Variants in LRMDA observed in about 807,000 individuals in gnomAD.
The protein encoded by LRMDA is leucine-rich melanocyte differentiation-associated protein.
In LRMDA, 18 loss-of-function variants were observed where a neutral mutation model predicts 29.8. That is an observed-to-expected ratio of 0.60 (90% CI 0.42 to 0.90). LRMDA has a LOEUF of 0.90. Ranked by LOEUF, LRMDA falls within the 40% of genes least tolerant of loss-of-function variation. The pLI is 0.00. For missense variants in LRMDA, 273 were observed against 273.9 expected, an observed-to-expected ratio of 1.00 and a Z score of 0.02; for synonymous variants, 125 against 109.4, an observed-to-expected ratio of 1.14 and a Z score of -0.89.
intron 2 of LRMDA, among the ~76,000 whole-genome samples, chr10:75,621,384 G>A (rs942080528): frequency 1.7e-4 from 26 of 152,182 alleles, no homozygotes; most frequent in Non-Finnish European, 2.9e-4. Context: ...ACACATGTGT[G>A]TGCCTGCCTT....
intron 2 of LRMDA, among the ~76,000 whole-genome samples, chr10:75,959,694 A>G (rs952308050): frequency 2.0e-5 from 3 of 152,110 alleles, no homozygotes; most frequent in African/African-American, 7.2e-5. Flanking sequence ...CTGTACCTAT[A>G]TGCACACACC....
At chr10:75,852,431 T>G (rs1219989274) in intron 2 of LRMDA, among the ~76,000 whole-genome samples, 1 of 152,092 alleles carries the variant, frequency 6.6e-6, no homozygotes, top group Non-Finnish European at 1.5e-5. Flanking sequence ...AGAGGTTAAT[T>G]GGATGGTAGG....
rs1845866636 is a variant in LRMDA at position 75,913,091 on chromosome 10, A to G, written c.132-122917A>G. Reference sequence around the variant, plus strand: ...GGCCTTTCTGGGTCCCTTCCCACCTAAAAAACTGCTAGTAGTTTTTTTTCT... The same window carrying G: ...GGCCTTTCTGGGTCCCTTCCCACCTGAAAAACTGCTAGTAGTTTTTTTTCT... On this transcript the variant is annotated intron_variant, in intron 2 of 6. Transcript: ENST00000611255. Among the ~76,000 whole-genome samples the G allele has an allele frequency of 4.6e-5, 7 of 152,282 alleles. No individual in the cohort carries two copies. The South Asian group carries it at 1.5e-3, about 32-fold the overall frequency.
chr10:76,248,215 G>T (rs1275643034), intron 5 of LRMDA, among the ~76,000 whole-genome samples: 1 of 152,136 alleles, frequency 6.6e-6, no homozygotes, highest in African/African-American at 2.4e-5. Flanking sequence ...CTGGCATGTA[G>T]TAGATATAGG....
intron 2 of LRMDA, among the ~76,000 whole-genome samples, chr10:75,984,227 C>T (rs936432008): frequency 8.1e-5 from 12 of 148,088 alleles, no homozygotes; most frequent in Admixed American, 7.3e-4. Context: ...AGAAAGCTGC[C>T]CTGGGTCCTG....
At chr10:76,245,813 T>A (rs1852365407) in intron 5 of LRMDA, among the ~76,000 whole-genome samples, 1 of 152,144 alleles carries the variant, frequency 6.6e-6, no homozygotes, top group Non-Finnish European at 1.5e-5. Flanking sequence ...AAAGTAGCAG[T>A]GGAGGAGGGG....
intron 4 of LRMDA, 136 bp downstream of exon 4, chr10:76,047,439 C>G: frequency 1.1e-6 from 1 of 901,112 alleles, no homozygotes; most frequent in Non-Finnish European, 1.6e-6. Flanking sequence ...AAACTTTTAC[C>G]TTTTGGTAAC....
At chr10:75,559,256 T>A (rs1158855866) in intron 2 of LRMDA, among the ~76,000 whole-genome samples, 1 of 151,750 alleles carries the variant, frequency 6.6e-6, no homozygotes, top group Admixed American at 6.6e-5. Flanking sequence ...TCATTGTGGT[T>A]TTGATTTGCA....
intron 5 of LRMDA, among the ~76,000 whole-genome samples, chr10:76,145,996 C>T (rs537743177): frequency 7.3e-5 from 11 of 151,362 alleles, no homozygotes; most frequent in South Asian, 2.1e-4. Flanking sequence ...TGTAGTTGAG[C>T]GGTTTTGAGT....
At chr10:75,899,887 A>G (rs1312037791) in intron 2 of LRMDA, among the ~76,000 whole-genome samples, 2 of 152,244 alleles carry the variant, frequency 1.3e-5, no homozygotes, top group Non-Finnish European at 2.9e-5. Flanking sequence ...CATCAGGCCC[A>G]GAAGAGAAAT....
At chr10:75,789,029 A>G (rs757821703) in intron 2 of LRMDA, among the ~76,000 whole-genome samples, 1 of 152,232 alleles carries the variant, frequency 6.6e-6, no homozygotes, top group Non-Finnish European at 1.5e-5. Context: ...CTCTTTATAA[A>G]GAACACTCAC....
chr10:76,501,724 AT>A (rs1183440582), intron 6 of LRMDA, among the ~76,000 whole-genome samples: 2 of 151,416 alleles, frequency 1.3e-5, no homozygotes, highest in African/African-American at 2.4e-5. Flanking sequence ...TTGCTTGTTG[AT>A]TTTTTTAAGT....
intron 2 of LRMDA, among the ~76,000 whole-genome samples, chr10:75,897,817 CTTTTT>C (rs3042518): frequency 5.1e-5 from 4 of 78,420 alleles, no homozygotes; most frequent in Non-Finnish European, 9.0e-5. Flanking sequence ...TTCTTCCTGC[CTTTTT>C]TTTTTTTTTT....
At chr10:75,682,312 A>G (rs189922762) in intron 2 of LRMDA, among the ~76,000 whole-genome samples, 4 of 152,326 alleles carry the variant, frequency 2.6e-5, no homozygotes, top group African/African-American at 9.6e-5. Flanking sequence ...TGAATGAACA[A>G]TGAATGGCAA....
rs1843346266 is a variant in LRMDA at position 76,540,895 on chromosome 10, A to G, written c.602-16314A>G. On this transcript the variant is annotated intron_variant, in intron 6 of 6. Coordinates refer to ENST00000611255, the MANE Select transcript of LRMDA (RefSeq NM_001305581.2). ...GATGGATCTTTGTTACGAGTGAATAACTTGCAGAAAAATTACTTGTTTTAA... is the reference window on the plus strand; with the variant it reads ...GATGGATCTTTGTTACGAGTGAATAGCTTGCAGAAAAATTACTTGTTTTAA... 2.0e-5 allele frequency among the ~76,000 whole-genome samples: 3 copies of G among 152,218 alleles called. No individual in the cohort carries two copies. In the South Asian group the frequency reaches 6.2e-4, roughly 32 times the overall value.
intron 2 of LRMDA, among the ~76,000 whole-genome samples, chr10:75,645,575 C>T (rs1257865802): frequency 6.6e-6 from 1 of 151,694 alleles, no homozygotes; most frequent in Non-Finnish European, 1.5e-5. Context: ...TGCTGTGGGT[C>T]GGGGGAACCC....
At chr10:75,707,785 C>T (rs983039202) in intron 2 of LRMDA, among the ~76,000 whole-genome samples, 4 of 152,144 alleles carry the variant, frequency 2.6e-5, no homozygotes, top group African/African-American at 9.7e-5. Context: ...CCCTTTCCTG[C>T]CAGTACTGTG....
chr10:75,954,758 C>T (rs1255524194), intron 2 of LRMDA, among the ~76,000 whole-genome samples: 1 of 152,134 alleles, frequency 6.6e-6, no homozygotes. Flanking sequence ...CGCTTGTTGG[C>T]GGCTGCAGCA....
intron 6 of LRMDA, among the ~76,000 whole-genome samples, chr10:76,470,681 T>G (rs1842609234): frequency 6.6e-6 from 1 of 152,026 alleles, no homozygotes; most frequent in Non-Finnish European, 1.5e-5. Flanking sequence ...TTGAGGTATC[T>G]AAAATAGGCA....
Sources: allele counts gnomAD v4.1 joint callset (sites outside exome capture counted in the v4.1 genomes callset), GRCh38; gene constraint gnomAD v4.1.1; transcripts MANE v1.5; gene names NCBI Gene and HGNC (gene_info 2026-07-23, HGNC 2026-07-21).